The following MFHAS1 variants were observed in gnomAD, a reference collection of about 807,000 sequenced individuals.
MFHAS1 encodes the protein multifunctional ROCO family signaling regulator 1.
Under a neutral mutation model 70.4 loss-of-function variants are expected in MFHAS1, and 50 were observed. The observed-to-expected ratio is 0.71, with a 90% CI of 0.57 to 0.90. The LOEUF is 0.90. Ranked by LOEUF, MFHAS1 falls within the 40% of genes least tolerant of loss-of-function variation. The pLI, the probability that MFHAS1 is intolerant of heterozygous loss-of-function variation, is 0.00. For synonymous variants in MFHAS1, 952 were observed against 620.0 expected (o/e 1.54, Z -7.96); for missense variants, 1,795 against 1,347.6 (o/e 1.33, Z -5.20).
chr8:8,876,838 G>T (rs551341133), intron 1 of MFHAS1, among the ~76,000 whole-genome samples: 1 of 152,044 alleles, frequency 6.6e-6, no homozygotes, highest in East Asian at 1.9e-4. Context: ...GGAGGCTAAG[G>T]TAAGAGAATC....
intron 1 of MFHAS1, among the ~76,000 whole-genome samples, chr8:8,819,158 T>C (rs986108505): frequency 4.6e-5 from 7 of 151,792 alleles, no homozygotes; most frequent in Admixed American, 3.9e-4. Context: ...GCAGTGTATA[T>C]ATTAAACTTT....
intron 2 of MFHAS1, among the ~76,000 whole-genome samples, chr8:8,794,549 A>T (rs1423845019): frequency 1.3e-5 from 2 of 152,194 alleles, no homozygotes; most frequent in African/African-American, 4.8e-5. Flanking sequence ...CACAGGCTTC[A>T]CATCTACGTG....
intron 1 of MFHAS1, among the ~76,000 whole-genome samples, chr8:8,806,861 T>A (rs1806309218): frequency 6.6e-6 from 1 of 151,944 alleles, no homozygotes; most frequent in African/African-American, 2.4e-5. Context: ...CTTGGGAGGC[T>A]GAGGCAGGAG....
At chr8:8,800,522 G>C (rs1317260790) in intron 1 of MFHAS1, among the ~76,000 whole-genome samples, 1 of 152,164 alleles carries the variant, frequency 6.6e-6, no homozygotes, top group African/African-American at 2.4e-5. Context: ...CCCACAGAGA[G>C]CTGCAGGTCT....
At position 8,884,087 on chromosome 8, in the gene MFHAS1, GA is replaced by G. The variant is rs200519447; in HGVS notation, c.2998+5973del. Among the ~76,000 whole-genome samples the G allele has an allele frequency of 9.9e-3, 1,106 of 112,178 alleles. 19 individuals are homozygous for G. Among genetic ancestry groups the G allele is most frequent in the East Asian group, 0.064 (255 of 3,968 alleles). 73.6% of individuals were successfully genotyped at this position (112,178 alleles called of 152,430 possible). On this transcript the variant is annotated intron_variant, in intron 1 of 2. Coordinates refer to ENST00000276282, the MANE Select transcript of MFHAS1 (RefSeq NM_004225.3). ...ACACACACACACACACACACAAAAA[GA>G]AAAAAAAAATTAAAGAAAAAATACT...
intron 1 of MFHAS1, among the ~76,000 whole-genome samples, chr8:8,861,542 C>T (rs186547658): frequency 3.3e-5 from 5 of 152,172 alleles, no homozygotes; most frequent in East Asian, 3.9e-4. Flanking sequence ...CTAAGGAAAT[C>T]GTATAATCAA....
At chr8:8,808,429 G>A (rs766907161) in intron 1 of MFHAS1, among the ~76,000 whole-genome samples, 3 of 152,206 alleles carry the variant, frequency 2.0e-5, no homozygotes, top group Admixed American at 6.5e-5. Flanking sequence ...TGCTTAATAC[G>A]TCACCCTTAT....
chr8:8,790,428 A>C, intron 2 of MFHAS1: 1 of 964,002 alleles, frequency 1.0e-6, no homozygotes, highest in Non-Finnish European at 1.2e-6. Context: ...AGAAAGTATG[A>C]AGATACCTAA....
At chr8:8,887,850 C>CAAA (rs1314271953) in intron 1 of MFHAS1, among the ~76,000 whole-genome samples, 2 of 57,012 alleles carry the variant, frequency 3.5e-5, no homozygotes, top group African/African-American at 6.4e-5. Context: ...CTGACGTTAG[C>CAAA]AAAAAAAACA....
intron 1 of MFHAS1, 96 bp downstream of exon 1, chr8:8,889,965 G>A (rs1809923175): frequency 1.9e-6 from 2 of 1,044,466 alleles, no homozygotes; most frequent in East Asian, 5.0e-5. Context: ...GAGAACCCGT[G>A]AAGTTAAACA....
intron 1 of MFHAS1, among the ~76,000 whole-genome samples, chr8:8,839,711 C>T (rs905241623): frequency 9.9e-5 from 15 of 152,146 alleles, no homozygotes; most frequent in African/African-American, 1.7e-4. Context: ...GCTGAAATAA[C>T]GTAATATATT....
In MFHAS1 at chr8:8,856,604, T is replaced by C. The variant is rs1357628946; in HGVS notation, c.2998+33457A>G. 7.2e-5 allele frequency among the ~76,000 whole-genome samples: 11 copies of C among 152,216 alleles called. No homozygotes were observed. The East Asian group carries it at 1.9e-3, about 27-fold the overall frequency. On this transcript the variant is annotated intron_variant, in intron 1 of 2. Transcript: ENST00000276282. ...AAGACTCTAAATTGGGAAATTAGCTTAATAGTATTTTACTTGCAAGGTCCT... is the reference window on the plus strand; with the variant it reads ...AAGACTCTAAATTGGGAAATTAGCTCAATAGTATTTTACTTGCAAGGTCCT...
intron 1 of MFHAS1, among the ~76,000 whole-genome samples, chr8:8,875,823 G>A (rs965511870): frequency 2.6e-5 from 4 of 152,084 alleles, no homozygotes; most frequent in African/African-American, 7.2e-5. Context: ...TCGTGACCTC[G>A]TGATCCGCCC....
chr8:8,865,860 T>G (rs2116897914), intron 1 of MFHAS1, among the ~76,000 whole-genome samples: 1 of 152,344 alleles, frequency 6.6e-6, no homozygotes, highest in South Asian at 2.1e-4. Context: ...GTGGTGTCTA[T>G]TATTTCTCTC....
At chr8:8,787,279 A>T (rs1426474395) in intron 2 of MFHAS1, among the ~76,000 whole-genome samples, 1 of 152,076 alleles carries the variant, frequency 6.6e-6, no homozygotes, top group Non-Finnish European at 1.5e-5. Context: ...ATGGGGTTTC[A>T]CCATGTTAGC....
intron 1 of MFHAS1, among the ~76,000 whole-genome samples, chr8:8,849,721 T>G (rs1191395509): frequency 2.0e-5 from 3 of 152,184 alleles, no homozygotes; most frequent in African/African-American, 7.2e-5. Flanking sequence ...AATAAACTAT[T>G]TGTCTAAACT....
At chr8:8,789,490 C>A (rs1394591404) in intron 2 of MFHAS1, among the ~76,000 whole-genome samples, 1 of 152,160 alleles carries the variant, frequency 6.6e-6, no homozygotes, top group Non-Finnish European at 1.5e-5. Context: ...GGGCACCCAG[C>A]CCCCGAGTCC....
chr8:8,855,307 C>T (rs1041986258), intron 1 of MFHAS1, among the ~76,000 whole-genome samples: 4 of 152,168 alleles, frequency 2.6e-5, no homozygotes, highest in African/African-American at 9.6e-5. Flanking sequence ...AAGCGGAAAA[C>T]AGATGAATTA....
Position 8,890,607 on chromosome 8 carries a change from G to GC in MFHAS1, c.2451dup (p.Gln818AlafsTer18), listed in dbSNP as rs767113948. 6.2e-7 allele frequency: 1 copy of GC among 1,613,920 alleles called. No homozygotes were observed. Among genetic ancestry groups the GC allele is most frequent in the South Asian group, 1.1e-5 (1 of 91,088 alleles). On this transcript the variant is annotated frameshift_variant, in exon 1 of 3. Transcript: ENST00000276282. LOFTEE classifies it high-confidence loss of function. ...TTCTCCAGCAGCTCCAGCAACAGCT[G>GC]CAAGTCCTGCTGGGCCTGGACATGA...
Sources: gnomAD v4.1 joint callset for allele counts (sites outside exome capture counted in the v4.1 genomes callset) on GRCh38, gnomAD v4.1.1 for gene constraint, MANE v1.5 for transcripts, NCBI Gene and HGNC (gene_info 2026-07-23, HGNC 2026-07-21) for gene names.